The following ZGRF1 variants were observed in gnomAD, a reference collection of about 807,000 sequenced individuals.
ZGRF1 encodes the protein 5'-3' DNA helicase ZGRF1.
A neutral mutation model predicts 203.5 loss-of-function variants in ZGRF1; 196 were observed. The ratio of observed to expected loss-of-function variants is 0.96; its 90% CI spans 0.86 to 1.08. The LOEUF (loss-of-function observed/expected upper bound fraction) is 1.08. Ranked by LOEUF, ZGRF1 falls within the 50% of genes least tolerant of loss-of-function variation. The pLI is 0.00. For missense variants in ZGRF1, 2,326 were observed against 2,416.3 expected, an observed-to-expected ratio of 0.96 and a Z score of 0.78; for synonymous variants, 809 against 841.3, an observed-to-expected ratio of 0.96 and a Z score of 0.66.
rs568865557 is a variant in ZGRF1, at chr4:112,559,185, A to T, written c.4961-876T>A. ...CAGATGTCATCTAAAGATTTCAAGC[A>T]ATGGTTGTTTTTTTTTGTTTTGTTT... On this transcript the variant is annotated intron_variant, in intron 19 of 27. Transcript: ENST00000505019. 2.0e-4 allele frequency among the ~76,000 whole-genome samples: 31 copies of T among 152,248 alleles called. No homozygotes were observed. The Middle Eastern group carries it at 0.024, about 117-fold the overall frequency.
chr4:112,539,575 T>C lies in ZGRF1; in HGVS notation c.6287A>G (p.Glu2096Gly). 6.9e-7 allele frequency: 1 copy of C among 1,456,790 alleles called. No homozygotes were observed. Among genetic ancestry groups the C allele is most frequent in the South Asian group, 1.2e-5 (1 of 81,348 alleles). 90.2% of individuals were successfully genotyped at this position (1,456,790 alleles called of 1,614,324 possible). The change falls in exon 28 of 28, where the codon GAG (glutamate) becomes GGG (glycine). Residue 2096 changes from glutamate (E) to glycine (G), a missense_variant. Glu to Gly is a moderately conservative substitution (Grantham distance 98). Coordinates refer to ENST00000505019, the MANE Select transcript of ZGRF1 (RefSeq NM_018392.5). ...EEKQKKKSEK[E>G]KSKDKSHS ...TGAATGAGATTTATCTTTAGATTTC[T>C]CTTTTTCACTCTTTTTCTTCTGTTT...
At chr4:112,566,258 C>T (rs1226775812) in intron 16 of ZGRF1, among the ~76,000 whole-genome samples, 1 of 145,570 alleles carries the variant, frequency 6.9e-6, no homozygotes, top group Non-Finnish European at 1.5e-5. Flanking sequence ...CCAAACACCA[C>T]GTATTCTCAC....
intron 16 of ZGRF1, among the ~76,000 whole-genome samples, chr4:112,567,966 G>T (rs1032915983): frequency 1.3e-5 from 2 of 151,794 alleles, no homozygotes; most frequent in African/African-American, 4.8e-5. Context: ...ACAGGAAAAA[G>T]AAATGAACAG....
At chr4:112,546,847 CT>C (rs1560735512) in intron 24 of ZGRF1, 2 of 152,562 alleles carry the variant, frequency 1.3e-5, no homozygotes, top group Admixed American at 6.5e-5. Context: ...ACTTCTCAGC[CT>C]CCAGAACTAT....
At chr4:112,567,161 T>C (rs1294516232) in intron 16 of ZGRF1, among the ~76,000 whole-genome samples, 3 of 152,126 alleles carry the variant, frequency 2.0e-5, no homozygotes, top group Admixed American at 6.5e-5. Flanking sequence ...CTGCAGGTAG[T>C]TGTGGTTTTC....
At chr4:112,574,029 C>A (rs548298212) in intron 16 of ZGRF1, among the ~76,000 whole-genome samples, 1 of 152,106 alleles carries the variant, frequency 6.6e-6, no homozygotes, top group African/African-American at 2.4e-5. Flanking sequence ...AGAATGAGTA[C>A]AAACTGATAG....
At chr4:112,613,399 AATT>A (rs2046759466) in intron 6 of ZGRF1, among the ~76,000 whole-genome samples, 1 of 152,202 alleles carries the variant, frequency 6.6e-6, no homozygotes, top group Admixed American at 6.5e-5. Flanking sequence ...TTCACTCAAC[AATT>A]ATTTTCCAAG....
At chr4:112,542,668 G>A (rs545475157) in intron 24 of ZGRF1, among the ~76,000 whole-genome samples, 1 of 152,040 alleles carries the variant, frequency 6.6e-6, no homozygotes, top group Non-Finnish European at 1.5e-5. Flanking sequence ...AAACTCCTGG[G>A]GCTCACACGA....
chr4:112,560,955 TCTTA>T lies in ZGRF1; in HGVS notation c.4734_4737del (p.Ser1578ArgfsTer21). The T allele has an allele frequency of 6.2e-7, 1 of 1,611,002 alleles. No individual in the cohort carries two copies. Among genetic ancestry groups the T allele is most frequent in the Non-Finnish European group, 8.5e-7 (1 of 1,177,766 alleles). On this transcript the variant is annotated frameshift_variant, in exon 19 of 28. Transcript: ENST00000505019. LOFTEE classifies it high-confidence loss of function. ...GTGAAGGCTGGTGGGATAAATTTTC[TCTTA>T]CTGACTCTTTTGTTACTAACTATAG... is the stretch of plus-strand genomic sequence containing the variant.
At chr4:112,623,467 G>C (rs190930194) in intron 4 of ZGRF1, among the ~76,000 whole-genome samples, 168 of 152,202 alleles carry the variant, frequency 1.1e-3, no homozygotes, top group Non-Finnish European at 2.2e-3. Flanking sequence ...TCCCACAGTA[G>C]ACCTCTGCCT....
At chr4:112,597,601 G>A (rs1484978815) in intron 10 of ZGRF1, among the ~76,000 whole-genome samples, 5 of 151,562 alleles carry the variant, frequency 3.3e-5, no homozygotes, top group African/African-American at 4.8e-5. Context: ...ACAAAGAAGT[G>A]GGCACAGTGG....
At chr4:112,590,189 C>G (rs1231597931) in intron 10 of ZGRF1, among the ~76,000 whole-genome samples, 2 of 152,144 alleles carry the variant, frequency 1.3e-5, no homozygotes, top group Non-Finnish European at 2.9e-5. Flanking sequence ...GGGGCTCAGG[C>G]CAAATTAGAC....
intron 16 of ZGRF1, among the ~76,000 whole-genome samples, chr4:112,576,110 T>C (rs1200583332): frequency 6.6e-6 from 1 of 152,200 alleles, no homozygotes; most frequent in Non-Finnish European, 1.5e-5. Flanking sequence ...CAGCAACATT[T>C]GCTGTTCACC....
Position 112,635,434 on chromosome 4 carries a change from T to C in ZGRF1, c.-67+1417A>G, listed in dbSNP as rs896203288. The stretch of plus-strand genomic sequence containing the variant: ...CTGTTGGCTTTTTAACTTTTCTTTT[T>C]CTTTTACAGAGACAGGGTCTCACTC... On this transcript the variant is annotated intron_variant, in intron 1 of 27. Coordinates refer to ENST00000505019, the MANE Select transcript of ZGRF1 (RefSeq NM_018392.5). Among the ~76,000 whole-genome samples the C allele has an allele frequency of 2.6e-5, 4 of 152,152 alleles. No individual in the cohort carries two copies. The East Asian group carries it at 7.7e-4, about 29-fold the overall frequency.
chr4:112,557,165 ACTT>A (rs572748486), intron 20 of ZGRF1, among the ~76,000 whole-genome samples: 527 of 150,070 alleles, frequency 3.5e-3, no homozygotes, highest in African/African-American at 0.011. Context: ...ATTTTAGCCT[ACTT>A]CTTCTTCTTT....
rs538583418 is a variant in ZGRF1, at chr4:112,616,185, T to A, written c.2602+1255A>T. ...TTGCAGATTTGAGAAGGTATACTGA[T>A]ACTGGGAGCCAGGATCCTTTCATAT... On this transcript the variant is annotated intron_variant, in intron 6 of 27. Coordinates refer to ENST00000505019, the MANE Select transcript of ZGRF1 (RefSeq NM_018392.5). Among the ~76,000 whole-genome samples, 4 of 152,244 alleles carry A rather than the reference T, an allele frequency of 2.6e-5. No homozygotes were observed. In the East Asian group the frequency reaches 7.7e-4, roughly 29 times the overall value.
At chr4:112,545,658 G>T (rs1738599221) in intron 24 of ZGRF1, among the ~76,000 whole-genome samples, 1 of 152,160 alleles carries the variant, frequency 6.6e-6, no homozygotes, top group Non-Finnish European at 1.5e-5. Flanking sequence ...GCAGGGATTT[G>T]AACAAGTATC....
chr4:112,586,456 G>A lies in ZGRF1; in HGVS notation c.3905C>T (p.Ser1302Phe). The A allele has an allele frequency of 6.2e-7, 1 of 1,609,458 alleles. No individual in the cohort carries two copies. The highest frequency in any genetic ancestry group is 1.7e-4 in the Middle Eastern group (1 of 6,042). ...SPAHYKQTFTSCLIEHLNILL... is the reference protein window; with the variant it reads ...SPAHYKQTFTFCLIEHLNILL... ...CACAACAGCCATACCTATGAGGCAA[G>A]ATGTGAAAGTCTGCTTATAATGAGC... is the stretch of plus-strand genomic sequence containing the variant. The change falls in exon 13 of 28, where the codon TCT becomes TTT. Residue 1302 changes from serine to phenylalanine, a missense_variant. Coordinates refer to ENST00000505019, the MANE Select transcript of ZGRF1 (RefSeq NM_018392.5).
At chr4:112,619,827 T>A in intron 5 of ZGRF1, 137 bp from the exon 6 acceptor site, 1 of 920,700 alleles carries the variant, frequency 1.1e-6, no homozygotes, top group African/African-American at 1.7e-5. Context: ...TTAAAGTTTG[T>A]CAAAGTACAT....
Sources: allele counts gnomAD v4.1 joint callset (sites outside exome capture counted in the v4.1 genomes callset), GRCh38; gene constraint gnomAD v4.1.1; transcripts MANE v1.5; gene names NCBI Gene and HGNC (gene_info 2026-07-23, HGNC 2026-07-21).